RANBP17: variants seen among roughly 807,000 people sequenced by gnomAD.
RANBP17 encodes the protein ran-binding protein 17.
RANBP17 carries 158 observed loss-of-function variants against 141.2 expected under a neutral mutation model. The ratio of observed to expected loss-of-function variants is 1.12; its 90% confidence interval spans 0.98 to 1.28. The LOEUF (loss-of-function observed/expected upper bound fraction) is 1.28, where lower values mean the gene tolerates loss of function less well. Ranked by LOEUF, RANBP17 falls within the 50% of genes most tolerant of loss-of-function variation. The pLI is 0.00. For missense variants in RANBP17, 1,438 were observed against 1,290.7 expected, an observed-to-expected ratio of 1.11 and a Z score of -1.75; for synonymous variants, 430 against 450.0, an observed-to-expected ratio of 0.96 and a Z score of 0.56.
chr5:171,168,600 GT>G (rs908787928), intron 14 of RANBP17, among the ~76,000 whole-genome samples: 3 of 152,054 alleles, frequency 2.0e-5, no homozygotes, highest in Non-Finnish European at 2.9e-5. Context: ...GTGCTTAAAG[GT>G]TTGTGATTAT....
intron 14 of RANBP17, among the ~76,000 whole-genome samples, chr5:171,107,512 C>T (rs1428225749): frequency 1.3e-5 from 2 of 151,966 alleles, no homozygotes; most frequent in East Asian, 3.9e-4. Flanking sequence ...AGAAAGCAAG[C>T]AGTGTAAGTG....
chr5:170,945,135 AT>A (rs896280672), intron 12 of RANBP17, among the ~76,000 whole-genome samples: 62 of 148,438 alleles, frequency 4.2e-4, no homozygotes, highest in Middle Eastern at 6.8e-3. Context: ...TTTACTTGGA[AT>A]TTTTTTTTTT....
chr5:170,936,022 C>T (rs1039705829), intron 12 of RANBP17, among the ~76,000 whole-genome samples: 3 of 152,168 alleles, frequency 2.0e-5, no homozygotes, highest in African/African-American at 7.2e-5. Context: ...GCCTCGCTGC[C>T]GCCTTGCAGT....
chr5:170,991,604 T>G (rs963901860), intron 14 of RANBP17, among the ~76,000 whole-genome samples: 2 of 151,938 alleles, frequency 1.3e-5, no homozygotes, highest in African/African-American at 2.4e-5. Flanking sequence ...CAGATAGATC[T>G]CCAGCCAGCT....
In RANBP17 at chr5:171,265,740, A is replaced by G. The variant is rs1337804202; in HGVS notation, c.2836A>G (p.Lys946Glu). 1 of 1,613,946 alleles carries G rather than the reference A, an allele frequency of 6.2e-7. No homozygotes were observed. Among genetic ancestry groups the G allele is most frequent in the Non-Finnish European group, 8.5e-7 (1 of 1,179,934 alleles). Residue 946 changes from lysine (K) to glutamate (E), a missense_variant, in exon 25 of 28, where the codon AAG becomes GAG. Physicochemically the swap from Lys to Glu is moderately conservative, Grantham distance 56. Coordinates refer to ENST00000523189, the MANE Select transcript of RANBP17 (RefSeq NM_022897.5). ...SLDYIVTYLF[K>E]HIAKEGKKPL... ...AGACTACATCGTCACCTACCTCTTC[A>G]AGCACATAGCAAAAGAGGGCAAGAA...
chr5:171,031,765 A>T (rs1470988673), intron 14 of RANBP17, among the ~76,000 whole-genome samples: 1 of 151,996 alleles, frequency 6.6e-6, no homozygotes, highest in African/African-American at 2.4e-5. Flanking sequence ...ATAGGAAGAA[A>T]TATTCCACCT....
intron 14 of RANBP17, among the ~76,000 whole-genome samples, chr5:171,089,017 C>T (rs1785952029): frequency 6.6e-6 from 1 of 151,812 alleles, no homozygotes; most frequent in Non-Finnish European, 1.5e-5. Context: ...GAACTGCGTT[C>T]CTTTGGAGGA....
chr5:171,099,753 T>G (rs1189242496), intron 14 of RANBP17, among the ~76,000 whole-genome samples: 2 of 152,182 alleles, frequency 1.3e-5, no homozygotes, highest in African/African-American at 4.8e-5. Flanking sequence ...CATAAATAGC[T>G]CTTACTATTT....
At chr5:171,199,579 A>T (rs1762179424) in intron 18 of RANBP17, 91 bp from the exon 19 acceptor site, 1 of 700,540 alleles carries the variant, frequency 1.4e-6, no homozygotes. Flanking sequence ...TCTCGGGAAT[A>T]TTTCTAAGCC....
chr5:171,254,005 T>C (rs545572477), intron 24 of RANBP17, among the ~76,000 whole-genome samples: 17 of 152,240 alleles, frequency 1.1e-4, no homozygotes, highest in African/African-American at 4.1e-4. Flanking sequence ...CCCAACACTT[T>C]AGGAGGCCGA....
Position 170,918,830 on chromosome 5 carries a change from A to G in RANBP17, c.1072A>G (p.Ile358Val). 6.3e-7 allele frequency: 1 copy of G among 1,583,564 alleles called. No homozygotes were observed. Residue 358 changes from isoleucine (I) to valine (V), a missense_variant, in exon 10 of 28, where the codon ATT (isoleucine) becomes GTT (valine). By Grantham distance (29) the Ile-to-Val change is conservative. Transcript: ENST00000523189. ...VKEYPEVIRL[I>V]ANFTITSLQH... is the part of the protein sequence containing the mutation. Reference sequence around the variant, plus strand: ...GGAATATCCTGAAGTTATTAGATTGATTGCTAATTTTACCATTACTAGCCT... The same window carrying G: ...GGAATATCCTGAAGTTATTAGATTGGTTGCTAATTTTACCATTACTAGCCT...
At chr5:171,189,004 T>G (rs1761454444) in intron 18 of RANBP17, among the ~76,000 whole-genome samples, 1 of 152,252 alleles carries the variant, frequency 6.6e-6, no homozygotes, top group Non-Finnish European at 1.5e-5. Context: ...CAGGATTCTA[T>G]TCCTTTGAAA....
chr5:170,905,895 A>G (rs1213839792), intron 5 of RANBP17, among the ~76,000 whole-genome samples: 1 of 152,156 alleles, frequency 6.6e-6, no homozygotes, highest in Admixed American at 6.5e-5. Flanking sequence ...TGTTTAGATT[A>G]TCACTGAAAT....
chr5:171,225,753 T>G (rs747276806), intron 22 of RANBP17, among the ~76,000 whole-genome samples: 7 of 152,254 alleles, frequency 4.6e-5, no homozygotes, highest in Non-Finnish European at 1.0e-4. Context: ...CATTTCCAAA[T>G]GCAACTGACT....
intron 14 of RANBP17, among the ~76,000 whole-genome samples, chr5:171,011,234 T>G (rs1414768889): frequency 6.6e-6 from 1 of 152,104 alleles, no homozygotes; most frequent in South Asian, 2.1e-4. Flanking sequence ...CAGTAGATAT[T>G]GTACTGCTTG....
intron 16 of RANBP17, among the ~76,000 whole-genome samples, chr5:171,178,246 C>A (rs1022601210): frequency 6.8e-6 from 1 of 147,426 alleles, no homozygotes; most frequent in Non-Finnish European, 1.5e-5. Flanking sequence ...TGTTCACCTC[C>A]CACTTATGAG....
At chr5:171,154,466 G>C (rs1052011436) in intron 14 of RANBP17, among the ~76,000 whole-genome samples, 2 of 152,090 alleles carry the variant, frequency 1.3e-5, no homozygotes, top group African/African-American at 4.8e-5. Flanking sequence ...TTTTAGCAGA[G>C]ACGGGGTTTC....
At chr5:171,123,144 C>T (rs558346050) in intron 14 of RANBP17, among the ~76,000 whole-genome samples, 17 of 152,304 alleles carry the variant, frequency 1.1e-4, no homozygotes, top group African/African-American at 3.8e-4. Context: ...GGTAGGGTTG[C>T]TGACATACCT....
At chr5:170,884,971 T>C (rs1412554963) in intron 3 of RANBP17, among the ~76,000 whole-genome samples, 1 of 152,210 alleles carries the variant, frequency 6.6e-6, no homozygotes, top group Non-Finnish European at 1.5e-5. Flanking sequence ...TTCTCCCTTG[T>C]GTAAAACTTA....
Sources: allele counts gnomAD v4.1 joint callset (sites outside exome capture counted in the v4.1 genomes callset), GRCh38; gene constraint gnomAD v4.1.1; transcripts MANE v1.5; gene names NCBI Gene and HGNC (gene_info 2026-07-23, HGNC 2026-07-21).